Variants in PEAK1 observed in about 807,000 individuals in gnomAD.
PEAK1 encodes pseudopodium enriched atypical kinase 1.
In PEAK1, 54 loss-of-function variants were observed where a neutral mutation model predicts 124.7. The observed-to-expected ratio is 0.43, with a 90% CI of 0.35 to 0.54. The LOEUF (loss-of-function observed/expected upper bound fraction) is 0.54. Ranked by LOEUF, PEAK1 falls within the 20% of genes least tolerant of loss-of-function variation. The pLI is 0.01. For missense variants in PEAK1, 2,046 were observed against 2,134.5 expected (o/e 0.96, Z 0.82); for synonymous variants, 719 against 760.0 (o/e 0.95, Z 0.89).
chr15:77,175,547 A>T (rs1216546179), intron 7 of PEAK1, among the ~76,000 whole-genome samples: 10 of 152,166 alleles, frequency 6.6e-5, no homozygotes, highest in Non-Finnish European at 1.2e-4. Context: ...TCAAAACCAC[A>T]ATGAGATACC....
chr15:77,419,498 C>G (rs935511145), intron 1 of PEAK1: 2 of 985,150 alleles, frequency 2.0e-6, no homozygotes, highest in African/African-American at 3.5e-5. Context: ...GGCAGGGAGC[C>G]ACCCGGCTCC....
chr15:77,419,668 G>C, intron 1 of PEAK1: 4 of 985,002 alleles, frequency 4.1e-6, no homozygotes, highest in Non-Finnish European at 4.8e-6. Flanking sequence ...AGCCGCGCCC[G>C]GGGGCGTCCC....
chr15:77,417,921 T>G, intron 1 of PEAK1: 1 of 981,148 alleles, frequency 1.0e-6, no homozygotes. Flanking sequence ...AATAAAAGTT[T>G]TTAAGCTCTC....
chr15:77,291,294 AG>A (rs2063198093), intron 2 of PEAK1, among the ~76,000 whole-genome samples: 1 of 152,230 alleles, frequency 6.6e-6, no homozygotes, highest in Non-Finnish European at 1.5e-5. Context: ...TGTGAATGAA[AG>A]GTTAAAAAAT....
At chr15:77,147,108 G>A (rs2054229331) in intron 8 of PEAK1, among the ~76,000 whole-genome samples, 1 of 152,120 alleles carries the variant, frequency 6.6e-6, no homozygotes, top group African/African-American at 2.4e-5. Context: ...CAGAGGCATG[G>A]TTTACATAAC....
At chr15:77,165,072 T>C (rs1340205976) in intron 7 of PEAK1, among the ~76,000 whole-genome samples, 2 of 152,160 alleles carry the variant, frequency 1.3e-5, no homozygotes, top group African/African-American at 4.8e-5. Flanking sequence ...GGCTAAATTT[T>C]GTATTTTTAG....
chr15:77,211,127 T>C (rs914385483), intron 6 of PEAK1, among the ~76,000 whole-genome samples: 1 of 152,186 alleles, frequency 6.6e-6, no homozygotes, highest in Non-Finnish European at 1.5e-5. Context: ...TGCCTATACC[T>C]GCTTTTGTGC....
chr15:77,298,372 C>G (rs1338525174), intron 2 of PEAK1, among the ~76,000 whole-genome samples: 1 of 151,022 alleles, frequency 6.6e-6, no homozygotes, highest in Non-Finnish European at 1.5e-5. Context: ...GCGCCCGCCA[C>G]CACGCCCAGC....
chr15:77,111,597 C>T lies in PEAK1; in HGVS notation c.*2559G>A, dbSNP rs766006892. ...AACAAATCTGAATATAAAAACAGTA[C>T]TAAAAACATCTGATATGAAGAGGTG... On this transcript the variant is annotated 3_prime_UTR_variant, in exon 10 of 10. Transcript: ENST00000682557. 1 of 152,058 alleles carries T rather than the reference C, an allele frequency of 6.6e-6. No homozygotes were observed. The highest frequency in any genetic ancestry group is 1.5e-5 in the Non-Finnish European group (1 of 68,022). 9.4% of individuals were successfully genotyped at this position (152,058 alleles called of 1,614,324 possible). A position where few individuals can be genotyped will look rare whatever the true frequency, so the allele number is the denominator to read the frequency against.
chr15:77,151,336 C>T (rs2054606108), intron 8 of PEAK1, among the ~76,000 whole-genome samples: 2 of 152,080 alleles, frequency 1.3e-5, no homozygotes, highest in Non-Finnish European at 2.9e-5. Flanking sequence ...TGTTCATATC[C>T]TTTGCCCACT....
intron 1 of PEAK1, among the ~76,000 whole-genome samples, chr15:77,398,260 C>A (rs977497312): frequency 1.3e-5 from 2 of 151,978 alleles, no homozygotes; most frequent in Admixed American, 6.6e-5. Flanking sequence ...TTCTATGAGG[C>A]CAGTATTACC....
chr15:77,109,000 G>C lies in PEAK1; in HGVS notation c.*5156C>G, dbSNP rs778744198. On this transcript the variant is annotated 3_prime_UTR_variant, in exon 10 of 10. Transcript: ENST00000682557. ...TCTAATTTTAAACAGTTGCAGGGAG[G>C]GGGTGTTTAACGGCTGTATAGCACC... is the stretch of plus-strand genomic sequence containing the variant. The C allele has an allele frequency of 6.6e-6, 1 of 152,126 alleles. No individual in the cohort carries two copies. Among genetic ancestry groups the C allele is most frequent in the East Asian group, 1.9e-4 (1 of 5,196 alleles). 9.4% of individuals were successfully genotyped at this position (152,126 alleles called of 1,614,324 possible). A position where few individuals can be genotyped will look rare whatever the true frequency, so the allele number is the denominator to read the frequency against.
Position 77,352,261 on chromosome 15 carries a change from T to C in PEAK1, c.-603+12902A>G, listed in dbSNP as rs1373655616. On this transcript the variant is annotated intron_variant, in intron 2 of 9. Transcript: ENST00000682557. ...CTTAGATCAAGGCAGTAGGATTTGG[T>C]CCTCCTAGCCATACCTCTCCCCCAG... is the stretch of plus-strand genomic sequence containing the variant. The C allele has an allele frequency of 3.0e-6, 3 of 985,326 alleles. No homozygotes were observed. The South Asian group carries it at 1.4e-4, about 46-fold the overall frequency. The allele number at this position is 985,326 out of a possible 1,614,324, so 61.0% of individuals were successfully genotyped here.
At chr15:77,372,902 G>C (rs1597484147) in intron 1 of PEAK1, among the ~76,000 whole-genome samples, 1 of 151,770 alleles carries the variant, frequency 6.6e-6, no homozygotes, top group African/African-American at 2.4e-5. Context: ...GCTTCCCTTG[G>C]CCTTCCGCCA....
chr15:77,266,597 A>C (rs987472437), intron 5 of PEAK1, among the ~76,000 whole-genome samples: 3 of 152,356 alleles, frequency 2.0e-5, no homozygotes, highest in Non-Finnish European at 4.4e-5. Flanking sequence ...ACCATTTGCC[A>C]TATCAAGAAT....
chr15:77,188,435 CTAA>C (rs1219936876), intron 6 of PEAK1, among the ~76,000 whole-genome samples: 2 of 152,260 alleles, frequency 1.3e-5, no homozygotes, highest in South Asian at 2.1e-4. Flanking sequence ...TTAACTACTA[CTAA>C]TAATAATTAT....
chr15:77,412,705 TC>T (rs2072512379), intron 1 of PEAK1, among the ~76,000 whole-genome samples: 1 of 152,074 alleles, frequency 6.6e-6, no homozygotes, highest in African/African-American at 2.4e-5. Context: ...AGCATCCAGA[TC>T]TTGGCTTCAA....
chr15:77,224,655 G>A (rs2059547889), intron 6 of PEAK1, among the ~76,000 whole-genome samples: 1 of 151,970 alleles, frequency 6.6e-6, no homozygotes, highest in Non-Finnish European at 1.5e-5. Context: ...TGTACAAAGG[G>A]GCAAAGGAAG....
At chr15:77,349,405 G>C (rs2067075534) in intron 2 of PEAK1, 1 of 978,930 alleles carries the variant, frequency 1.0e-6, no homozygotes, top group Non-Finnish European at 1.2e-6. Context: ...GTATTTAAGA[G>C]AGTCAATCAG....
Sources: allele counts gnomAD v4.1 joint callset (sites outside exome capture counted in the v4.1 genomes callset), GRCh38; gene constraint gnomAD v4.1.1; transcripts MANE v1.5; gene names NCBI Gene and HGNC (gene_info 2026-07-23, HGNC 2026-07-21).